Variants in CECR2 observed in about 807,000 individuals in gnomAD.
CECR2 encodes CECR2 histone acetyl-lysine reader.
Under a neutral mutation model 154.5 loss-of-function variants are expected in CECR2, and 30 were observed. The ratio of observed to expected loss-of-function variants is 0.19; its 90% confidence interval spans 0.15 to 0.26. The LOEUF is 0.26. CECR2 is among the 10% of genes least tolerant of loss of function. The probability of loss-of-function intolerance (pLI) is 1.00; values close to 1 mark genes in which losing one functional copy is unlikely to be tolerated. For synonymous variants in CECR2, 725 were observed against 683.7 expected (o/e 1.06, Z -0.94); for missense variants, 1,743 against 1,829.3 (o/e 0.95, Z 0.86).
Position 17,481,215 on chromosome 22 carries a change from C to T in CECR2, c.221+3533C>T, listed in dbSNP as rs1347377194. 4.7e-5 allele frequency among the ~76,000 whole-genome samples: 7 copies of T among 149,998 alleles called. No homozygotes were observed. In the East Asian group the frequency reaches 9.8e-4, roughly 21 times the overall value. ...AAAATTAGCCGGGCGTGGTGGTGGG[C>T]GCCTGTAGTCCCAGCTACTTGGGAG... On this transcript the variant is annotated intron_variant, in intron 2 of 18. Transcript: ENST00000262608.
rs1569142080 is a variant in CECR2, at chr22:17,525,285, C to CAAAAAAAAAAAAAAAAAAAAAA, written c.1108+1014_1108+1015insAAAAAAAAAAAAAAAAAAAAAA. ...GGGCAACAAGAGTGAAACTCCATCT[C>CAAAAAAAAAAAAAAAAAAAAAA]CAAAAAAAAAAAAAAAAAAAAAAAA... On this transcript the variant is annotated intron_variant, in intron 9 of 18. Transcript: ENST00000262608. Among the ~76,000 whole-genome samples the CAAAAAAAAAAAAAAAAAAAAAA allele has an allele frequency of 9.3e-5, 3 of 32,322 alleles. 1 individual carries two copies. The highest frequency in any genetic ancestry group is 1.2e-4 in the African/African-American group (1 of 8,190). 21.2% of individuals were successfully genotyped at this position (32,322 alleles called of 152,430 possible).
chr22:17,547,220 A>G (rs769671075), intron 16 of CECR2, among the ~76,000 whole-genome samples: 3 of 149,350 alleles, frequency 2.0e-5, no homozygotes, highest in Non-Finnish European at 4.5e-5. Flanking sequence ...AATTTCCATA[A>G]TATGTTAAAA....
intron 9 of CECR2, among the ~76,000 whole-genome samples, chr22:17,536,847 C>G (rs1284089960): frequency 1.3e-5 from 2 of 152,130 alleles, no homozygotes; most frequent in African/African-American, 2.4e-5. Context: ...CACCCTGTGC[C>G]TGCCCTGCCA....
At chr22:17,378,234 T>G (rs578126194) in intron 1 of CECR2, among the ~76,000 whole-genome samples, 2 of 150,966 alleles carry the variant, frequency 1.3e-5, no homozygotes, top group Non-Finnish European at 2.9e-5. Flanking sequence ...CCGCCCGCCT[T>G]GGCCTCCCAA....
At chr22:17,396,316 G>T (rs1283792257) in intron 1 of CECR2, among the ~76,000 whole-genome samples, 2 of 151,834 alleles carry the variant, frequency 1.3e-5, no homozygotes, top group African/African-American at 4.8e-5. Flanking sequence ...AGGCCAAGGC[G>T]GGTGGATCAC....
At chr22:17,453,267 C>A (rs148834979) in intron 1 of CECR2, among the ~76,000 whole-genome samples, 1,927 of 152,226 alleles carry the variant, frequency 0.013, 32 homozygotes, top group African/African-American at 0.044. Flanking sequence ...CATGGAGAAA[C>A]CCCGTCTCTG....
At chr22:17,549,901 C>T (rs1012470426) in intron 17 of CECR2, among the ~76,000 whole-genome samples, 1 of 147,762 alleles carries the variant, frequency 6.8e-6, no homozygotes, top group Non-Finnish European at 1.5e-5. Flanking sequence ...GCTGAGATTA[C>T]AGGCATGAGC....
chr22:17,436,563 TC>T (rs1354449679), intron 1 of CECR2, among the ~76,000 whole-genome samples: 1 of 152,206 alleles, frequency 6.6e-6, no homozygotes, highest in African/African-American at 2.4e-5. Flanking sequence ...TTGTACTACT[TC>T]CAATTCTGAC....
chr22:17,373,583 G>T lies in CECR2; in HGVS notation c.126+3674G>T, dbSNP rs1198997505. Among the ~76,000 whole-genome samples, 3 of 152,154 alleles carry T rather than the reference G, an allele frequency of 2.0e-5. No homozygotes were observed. The East Asian group carries it at 5.8e-4, about 29-fold the overall frequency. ...TGCCCGCAGTGTAATTGTTCTGTAG[G>T]TTAGATGTTTTTGCTTTTCAGATGA... On this transcript the variant is annotated intron_variant, in intron 1 of 18. Coordinates refer to ENST00000262608, the MANE Select transcript of CECR2 (RefSeq NM_001290047.2).
intron 1 of CECR2, among the ~76,000 whole-genome samples, chr22:17,370,455 C>T (rs1190413427): frequency 1.3e-5 from 2 of 151,812 alleles, no homozygotes; most frequent in African/African-American, 2.4e-5. Context: ...GGAGGCGCTC[C>T]GGCCAACTTC....
intron 8 of CECR2, among the ~76,000 whole-genome samples, chr22:17,520,529 CTCA>C (rs1170216719): frequency 6.6e-6 from 1 of 152,088 alleles, no homozygotes; most frequent in Non-Finnish European, 1.5e-5. Flanking sequence ...CACCCATCAA[CTCA>C]TCATTTACAT....
upstream of CECR2, among the ~76,000 whole-genome samples, chr22:17,364,849 C>CAA (rs777416231): frequency 2.0e-5 from 3 of 151,170 alleles, no homozygotes; most frequent in Non-Finnish European, 4.4e-5. Flanking sequence ...ACAAAACAAA[C>CAA]AAACAAAAAA....
In CECR2 at chr22:17,553,007, A is replaced by T; in HGVS notation, c.*167A>T. The T allele has an allele frequency of 6.9e-7, 1 of 1,442,406 alleles. No individual in the cohort carries two copies. Among genetic ancestry groups the T allele is most frequent in the Non-Finnish European group, 9.1e-7 (1 of 1,100,270 alleles). 89.4% of individuals were successfully genotyped at this position (1,442,406 alleles called of 1,614,324 possible). A position where few individuals can be genotyped will look rare whatever the true frequency, so the allele number is the denominator to read the frequency against. On this transcript the variant is annotated 3_prime_UTR_variant, in exon 19 of 19. Coordinates refer to ENST00000262608, the MANE Select transcript of CECR2 (RefSeq NM_001290047.2). ...GGAGCCAGTCACGGGCCCTAAAAGG[A>T]CACTCCTTAGATGACTGACACACAG... is the stretch of plus-strand genomic sequence containing the variant.
intron 16 of CECR2, among the ~76,000 whole-genome samples, chr22:17,544,876 TG>T (rs2056587573): frequency 2.5e-5 from 3 of 119,572 alleles, no homozygotes; most frequent in South Asian, 5.7e-4. Context: ...GAGGCTGAGG[TG>T]GGAGGATCAC....
chr22:17,548,430 A>G lies in CECR2; in HGVS notation c.3143A>G (p.Asp1048Gly). Residue 1048 changes from aspartate to glycine, a missense_variant, in exon 17 of 19, where the codon GAC becomes GGC. Coordinates refer to ENST00000262608, the MANE Select transcript of CECR2 (RefSeq NM_001290047.2). ...GTGAGAGACCTCTCCACGGTGGCAG[A>G]CAGGGGCGCTCTATCCGAGAACGGA... ...GCVRDLSTVA[D>G]RGALSENGVI... The G allele has an allele frequency of 6.2e-7, 1 of 1,614,028 alleles. No homozygotes were observed.
intron 1 of CECR2, among the ~76,000 whole-genome samples, chr22:17,399,896 T>C (rs1285070812): frequency 1.3e-5 from 2 of 152,242 alleles, no homozygotes; most frequent in Non-Finnish European, 2.9e-5. Context: ...TACATTCTTT[T>C]GGCATCTCTT....
intron 3 of CECR2, among the ~76,000 whole-genome samples, chr22:17,498,803 T>C (rs1223795797): frequency 1.3e-5 from 2 of 152,096 alleles, no homozygotes; most frequent in Non-Finnish European, 2.9e-5. Context: ...CAGCCAAATC[T>C]GTAAACTGTT....
At chr22:17,454,471 G>C (rs568371382) in intron 1 of CECR2, among the ~76,000 whole-genome samples, 108 of 152,102 alleles carry the variant, frequency 7.1e-4, no homozygotes, top group African/African-American at 2.5e-3. Flanking sequence ...CAGGTGTGGT[G>C]GCGGGCACCT....
At chr22:17,526,967 G>GC (rs1353087414) in intron 9 of CECR2, among the ~76,000 whole-genome samples, 1 of 152,120 alleles carries the variant, frequency 6.6e-6, no homozygotes, top group Non-Finnish European at 1.5e-5. Flanking sequence ...AAAAGCTTCT[G>GC]CACAGCAAAG....
Sources: allele counts gnomAD v4.1 joint callset (sites outside exome capture counted in the v4.1 genomes callset), GRCh38; gene constraint gnomAD v4.1.1; transcripts MANE v1.5; gene names NCBI Gene and HGNC (gene_info 2026-07-23, HGNC 2026-07-21).